PPP4R4: variants seen among roughly 807,000 people sequenced by gnomAD.
The protein encoded by PPP4R4 is protein phosphatase 4 regulatory subunit 4.
In PPP4R4, 70 loss-of-function variants were observed where a neutral mutation model predicts 121.8. That is an observed-to-expected ratio of 0.57 (90% CI 0.47 to 0.70). The LOEUF is 0.70. PPP4R4 is among the 30% of genes least tolerant of loss of function. PPP4R4 has a pLI of 0.00. For missense variants in PPP4R4, 875 were observed against 1,033.6 expected (o/e 0.85, Z 2.10); for synonymous variants, 348 against 355.7 (o/e 0.98, Z 0.24).
chr14:94,247,598 A>C (rs8022966), intron 14 of PPP4R4, among the ~76,000 whole-genome samples: 80,599 of 152,056 alleles, frequency 0.53, 23,405 homozygotes, highest in African/African-American at 0.77. Context: ...CAAAATCTGG[A>C]AAAGACACAA....
chr14:94,245,927 C>T (rs1892870217), intron 13 of PPP4R4, among the ~76,000 whole-genome samples: 1 of 152,044 alleles, frequency 6.6e-6, no homozygotes, highest in South Asian at 2.1e-4. Flanking sequence ...TTTTCATTAG[C>T]ATTAATGATT....
At chr14:94,241,088 G>C (rs1407193837) in intron 9 of PPP4R4, among the ~76,000 whole-genome samples, 2 of 152,068 alleles carry the variant, frequency 1.3e-5, no homozygotes, top group Non-Finnish European at 2.9e-5. Context: ...AGAAGCTCAG[G>C]CTTATTAACT....
chr14:94,195,070 T>G (rs1889798894), intron 2 of PPP4R4, among the ~76,000 whole-genome samples: 1 of 152,192 alleles, frequency 6.6e-6, no homozygotes, highest in African/African-American at 2.4e-5. Context: ...ACATATGCAG[T>G]CTACTGTCAG....
chr14:94,184,012 ATG>A (rs1490155441), intron 2 of PPP4R4, among the ~76,000 whole-genome samples: 1 of 152,150 alleles, frequency 6.6e-6, no homozygotes. Context: ...ATGTATATGC[ATG>A]TGTGTGTATA....
At chr14:94,230,471 C>A (rs1213281304) in intron 3 of PPP4R4, 116 bp from the exon 4 acceptor site, 2 of 913,766 alleles carry the variant, frequency 2.2e-6, no homozygotes, top group Non-Finnish European at 3.2e-6. Flanking sequence ...CCTTAAAGGT[C>A]ATATGTCTTA....
At chr14:94,214,785 G>C (rs558827569) in intron 3 of PPP4R4, among the ~76,000 whole-genome samples, 1 of 152,108 alleles carries the variant, frequency 6.6e-6, no homozygotes, top group East Asian at 1.9e-4. Context: ...AAATCAAAAT[G>C]CTCCAAAATT....
At chr14:94,258,550 G>T (rs1893599179) in intron 17 of PPP4R4, among the ~76,000 whole-genome samples, 1 of 152,064 alleles carries the variant, frequency 6.6e-6, no homozygotes, top group Non-Finnish European at 1.5e-5. Flanking sequence ...CTGTAGACTT[G>T]GTCTTCTTAA....
chr14:94,252,311 A>G (rs1893230083), intron 16 of PPP4R4, among the ~76,000 whole-genome samples: 1 of 152,168 alleles, frequency 6.6e-6, no homozygotes. Flanking sequence ...AAGAAGTAGA[A>G]CTGCTTCAAA....
chr14:94,224,277 A>G (rs188999001), intron 3 of PPP4R4, among the ~76,000 whole-genome samples: 3 of 152,318 alleles, frequency 2.0e-5, no homozygotes, highest in African/African-American at 7.2e-5. Flanking sequence ...TATTCAAATT[A>G]TAGTTTTAAA....
At chr14:94,181,937 T>A (rs1289796714) in intron 2 of PPP4R4, among the ~76,000 whole-genome samples, 1 of 152,204 alleles carries the variant, frequency 6.6e-6, no homozygotes, top group Admixed American at 6.5e-5. Context: ...TACAACTCAA[T>A]TAGTGAGAGT....
chr14:94,227,335 T>A, intron 3 of PPP4R4: 1 of 1,612,608 alleles, frequency 6.2e-7, no homozygotes, highest in Non-Finnish European at 8.5e-7. Context: ...ATCTCACATA[T>A]GTTTGTCCAG....
intron 23 of PPP4R4, among the ~76,000 whole-genome samples, chr14:94,273,368 A>C (rs1259943645): frequency 6.6e-6 from 1 of 152,184 alleles, no homozygotes; most frequent in South Asian, 2.1e-4. Context: ...AAGTGAAAGA[A>C]GCAAATCGAA....
chr14:94,230,426 G>T (rs906460971), intron 3 of PPP4R4, among the ~76,000 whole-genome samples, 161 bp from the exon 4 acceptor site: 22 of 152,128 alleles, frequency 1.4e-4, no homozygotes, highest in African/African-American at 5.3e-4. Flanking sequence ...ATGATCAGGA[G>T]CAGATTAATA....
In PPP4R4 at chr14:94,216,709, G is replaced by A. The variant is rs560777449; in HGVS notation, c.294+8143G>A. On this transcript the variant is annotated intron_variant, in intron 3 of 24. Coordinates refer to ENST00000304338, the MANE Select transcript of PPP4R4 (RefSeq NM_058237.2). ...AGCAAGAGTCTAAGCTGCAGAGGGA[G>A]AAGCAGTGAACTTTCCTGCTTTTAC... is the stretch of plus-strand genomic sequence containing the variant. Among the ~76,000 whole-genome samples, 23 of 152,312 alleles carry A rather than the reference G, an allele frequency of 1.5e-4. No individual in the cohort carries two copies. The South Asian group carries it at 4.3e-3, about 29-fold the overall frequency.
At position 94,230,695 on chromosome 14, in the gene PPP4R4, C is replaced by T; in HGVS notation, c.403C>T (p.Leu135Phe). ...VSIHAYTHSF[L>F]QVILLHLEHR... is the part of the protein sequence containing the mutation. ...AATTCATGCATATACCCACTCATTC[C>T]TCCAAGTCATTCTCCTGCATCTGGA... Residue 135 changes from leucine to phenylalanine, a missense_variant, in exon 4 of 25, where the codon CTC becomes TTC. Physicochemically the swap from Leu to Phe is conservative, Grantham distance 22. Coordinates refer to ENST00000304338, the MANE Select transcript of PPP4R4 (RefSeq NM_058237.2). The T allele has an allele frequency of 3.1e-6, 5 of 1,613,556 alleles. No individual in the cohort carries two copies. The highest frequency in any genetic ancestry group is 4.2e-6 in the Non-Finnish European group (5 of 1,179,462).
chr14:94,228,653 T>G (rs1394096198), intron 3 of PPP4R4, among the ~76,000 whole-genome samples: 3 of 152,128 alleles, frequency 2.0e-5, no homozygotes, highest in Non-Finnish European at 4.4e-5. Flanking sequence ...TGAAGCCACT[T>G]TTTGGGAGAT....
intron 23 of PPP4R4, among the ~76,000 whole-genome samples, chr14:94,274,492 A>T (rs1894526471): frequency 6.6e-6 from 1 of 152,222 alleles, no homozygotes; most frequent in African/African-American, 2.4e-5. Context: ...TTCACAAAAG[A>T]TACACAAGTA....
At position 94,233,649 on chromosome 14, in the gene PPP4R4, T is replaced by C. The variant is rs753082045; in HGVS notation, c.517-4T>C. On this transcript the variant is annotated splice_polypyrimidine_tract_variant and splice_region_variant and intron_variant, in intron 5 of 24. Transcript: ENST00000304338. ...GAATTTTTTTCTCTAAATTTTCTCT[T>C]TAGATTTTGAATCCACTTGTTTCCA... The C allele has an allele frequency of 1.7e-5, 27 of 1,554,996 alleles. No individual in the cohort carries two copies. Among genetic ancestry groups the C allele is most frequent in the Non-Finnish European group, 2.4e-5 (27 of 1,134,922 alleles).
intron 3 of PPP4R4, among the ~76,000 whole-genome samples, chr14:94,213,890 T>C (rs1316606696): frequency 6.6e-6 from 1 of 152,184 alleles, no homozygotes; most frequent in African/African-American, 2.4e-5. Flanking sequence ...GGTAATTTGT[T>C]ACAGCAGCCA....
Sources: gnomAD v4.1 joint callset for allele counts (sites outside exome capture counted in the v4.1 genomes callset) on GRCh38, gnomAD v4.1.1 for gene constraint, MANE v1.5 for transcripts, NCBI Gene and HGNC (gene_info 2026-07-23, HGNC 2026-07-21) for gene names.